Variants in IFIH1 observed in about 807,000 individuals in gnomAD.
The protein encoded by IFIH1 is interferon-induced helicase C domain-containing protein 1.
A neutral mutation model predicts 107.4 loss-of-function variants in IFIH1; 125 were observed. That is an observed-to-expected ratio of 1.16 (90% CI 1.01 to 1.35). The LOEUF (loss-of-function observed/expected upper bound fraction) is 1.35. IFIH1 is among the 40% of genes most tolerant of loss of function. IFIH1 has a pLI of 0.00. For synonymous variants in IFIH1, 458 were observed against 413.2 expected, an observed-to-expected ratio of 1.11 and a Z score of -1.31; for missense variants, 1,333 against 1,213.7, an observed-to-expected ratio of 1.10 and a Z score of -1.46.
At chr2:162,317,016 GGTGTGTGTGTGTGTGT>G (rs56835671) in intron 1 of IFIH1, among the ~76,000 whole-genome samples, 1 of 144,022 alleles carries the variant, frequency 6.9e-6, no homozygotes. Context: ...AAAGAAAAAG[GGTGTGTGTGTGTGTGT>G]GTGTGTGTGT....
rs1025854546 is a variant in IFIH1 at position 162,277,685 on chromosome 2, C to A, written c.1774G>T (p.Glu592Ter). 3 of 1,601,830 alleles carry A rather than the reference C, an allele frequency of 1.9e-6. No homozygotes were observed. Among genetic ancestry groups the A allele is most frequent in the South Asian group, 1.1e-5 (1 of 88,664 alleles). ...CAAACACGTTCTTTGCGATTTCCTT[C>A]TTTTGCAGCTGTGAAAAAATATATT... Reference protein sequence around the residue: ...AIQMEKKAAKEGNRKERVCAE... With the variant: ...AIQMEKKAAK The change falls in exon 10 of 16, where the codon GAA becomes TAA. Residue 592 changes from glutamate to a stop codon, truncating the protein, a stop_gained. Transcript: ENST00000649979. LOFTEE classifies it high-confidence loss of function.
intron 13 of IFIH1, 107 bp from the exon 14 acceptor site, chr2:162,268,384 C>A: frequency 1.5e-6 from 1 of 666,618 alleles, no homozygotes; most frequent in East Asian, 2.7e-5. Flanking sequence ...AAAATATACC[C>A]TTAGCTTATG....
chr2:162,310,421 C>G (rs966277208), intron 2 of IFIH1: 1 of 388,458 alleles, frequency 2.6e-6, no homozygotes. Flanking sequence ...GAAGAATATG[C>G]AGCAGATTTT....
intron 4 of IFIH1, 42 bp downstream of exon 4, chr2:162,293,522 T>C: frequency 7.7e-7 from 1 of 1,291,108 alleles, no homozygotes; most frequent in Non-Finnish European, 1.1e-6. Context: ...TATGGCGTCT[T>C]ATTTCACACT....
intron 3 of IFIH1, among the ~76,000 whole-genome samples, chr2:162,299,433 G>A (rs1683153252): frequency 2.0e-5 from 3 of 152,268 alleles, no homozygotes; most frequent in Middle Eastern, 3.4e-3. Context: ...GGGTGCCCAG[G>A]TAAATGTTCA....
At position 162,295,970 on chromosome 2, in the gene IFIH1, T is replaced by G. The variant is rs115032410; in HGVS notation, c.770-2302A>C. ...AAGTGAATTTTGACATGCTTTTCAT[T>G]TGCTGTTTTAAATGTAATATTGAGA... On this transcript the variant is annotated intron_variant, in intron 3 of 15. Coordinates refer to ENST00000649979, the MANE Select transcript of IFIH1 (RefSeq NM_022168.4). Among the ~76,000 whole-genome samples the G allele has an allele frequency of 2.2e-3, 342 of 152,192 alleles. 1 individual carries two copies. Among genetic ancestry groups the G allele is most frequent in the African/African-American group, 7.8e-3 (323 of 41,546 alleles).
intron 4 of IFIH1, among the ~76,000 whole-genome samples, chr2:162,289,095 T>A (rs187936629): frequency 3.2e-3 from 484 of 152,022 alleles, no homozygotes; most frequent in African/African-American, 0.011. Flanking sequence ...GTAAAAATAA[T>A]TTTGTTGGTT....
At chr2:162,305,928 C>T (rs781108840) in intron 3 of IFIH1, among the ~76,000 whole-genome samples, 3 of 152,188 alleles carry the variant, frequency 2.0e-5, no homozygotes, top group Non-Finnish European at 2.9e-5. Context: ...ATGTTGGAAG[C>T]TTGAAATAAG....
In IFIH1 at chr2:162,278,212, T is replaced by C. The variant is rs1207928685; in HGVS notation, c.1758A>G (p.Glu586=). Residue 586 remains glutamate, a synonymous_variant, in exon 9 of 16, where the codon GAA becomes GAG. Transcript: ENST00000649979. The stretch of plus-strand genomic sequence containing the variant: ...GGTCCAAACCTAAATTACCTTTTTT[T>C]TCCATTTGAATGGCCCATTGTTCAT... The part of the protein sequence containing the change: ...QPYEQWAIQM[E]KKAAKEGNRK... 1.2e-6 allele frequency: 2 copies of C among 1,603,306 alleles called. No homozygotes were observed. The highest frequency in any genetic ancestry group is 1.1e-5 in the South Asian group (1 of 88,492).
intron 3 of IFIH1, among the ~76,000 whole-genome samples, chr2:162,305,609 AT>A (rs1233101386): frequency 6.6e-6 from 1 of 152,142 alleles, no homozygotes; most frequent in African/African-American, 2.4e-5. Flanking sequence ...AATTAAAAAA[AT>A]AAAAATAATA....
chr2:162,273,949 A>G lies in IFIH1; in HGVS notation c.2305-5T>C. The G allele has an allele frequency of 6.4e-7, 1 of 1,570,324 alleles. No individual in the cohort carries two copies. ...AATGACTTCTTTTTGTTCATTCTGT[A>G]GAAACATTTTAATAAATTAAATTTT... On this transcript the variant is annotated splice_region_variant and splice_polypyrimidine_tract_variant and intron_variant, in intron 11 of 15. Transcript: ENST00000649979.
chr2:162,273,798 G>C lies in IFIH1; in HGVS notation c.2451C>G (p.Val817=). ...YGLVTNEIAM[V]QARGRARADE... ...AAGTAGAGGTATTTGAATGTACCTG[G>C]ACCATGGCTATTTCATTGGTGACGA... The change falls in exon 12 of 16, where the codon GTC becomes GTG. Residue 817 remains valine (V), a synonymous_variant. Coordinates refer to ENST00000649979, the MANE Select transcript of IFIH1 (RefSeq NM_022168.4). 6.3e-7 allele frequency: 1 copy of C among 1,584,932 alleles called. No individual in the cohort carries two copies. The highest frequency in any genetic ancestry group is 8.6e-7 in the Non-Finnish European group (1 of 1,166,784).
At chr2:162,271,198 G>T (rs946622999) in intron 13 of IFIH1, among the ~76,000 whole-genome samples, 1 of 152,102 alleles carries the variant, frequency 6.6e-6, no homozygotes, top group African/African-American at 2.4e-5. Context: ...TTATCATTCA[G>T]ATGCAGCTTC....
chr2:162,273,821 C>T lies in IFIH1; in HGVS notation c.2428G>A (p.Val810Ile), dbSNP rs763479773. 2.1e-5 allele frequency: 34 copies of T among 1,600,178 alleles called. No homozygotes were observed. The Middle Eastern group carries it at 6.6e-4, about 31-fold the overall frequency. Residue 810 changes from valine (V) to isoleucine (I), a missense_variant, in exon 12 of 16, where the codon GTC becomes ATC. Coordinates refer to ENST00000649979, the MANE Select transcript of IFIH1 (RefSeq NM_022168.4). ...TGGACCATGGCTATTTCATTGGTGA[C>T]GAGACCATAACGGATAACAATGTTA... ...ECNIVIRYGL[V>I]TNEIAMVQAR... is the part of the protein sequence containing the mutation.
intron 3 of IFIH1, among the ~76,000 whole-genome samples, chr2:162,301,020 A>G (rs1427070335): frequency 6.6e-6 from 1 of 152,150 alleles, no homozygotes; most frequent in East Asian, 1.9e-4. Flanking sequence ...GACCAGGGAG[A>G]AGAAGGCTGT....
Position 162,306,852 on chromosome 2 carries a change from A to G in IFIH1, c.626T>C (p.Ile209Thr). The G allele has an allele frequency of 1.2e-6, 2 of 1,613,308 alleles. No homozygotes were observed. Among genetic ancestry groups the G allele is most frequent in the Non-Finnish European group, 8.5e-7 (1 of 1,179,414 alleles). Residue 209 changes from isoleucine (I) to threonine (T), a missense_variant, in exon 3 of 16, where the codon ATT becomes ACT. Physicochemically the swap from Ile to Thr is moderately conservative, Grantham distance 89. Transcript: ENST00000649979. ...GSDCSESNAE[I>T]ENLSQVDGPQ... ...ACCATCAACTTGTGATAAATTCTCAATCTCTGTGAATAACAGTATTAGAAT... is the reference window on the plus strand; with the variant it reads ...ACCATCAACTTGTGATAAATTCTCAGTCTCTGTGAATAACAGTATTAGAAT...
intron 3 of IFIH1, among the ~76,000 whole-genome samples, chr2:162,298,792 A>G (rs28684734): frequency 0.096 from 13,459 of 140,828 alleles, 1,884 homozygotes; most frequent in African/African-American, 0.35. Flanking sequence ...GCGCGCGCGC[A>G]CACACACACA....
intron 1 of IFIH1, among the ~76,000 whole-genome samples, chr2:162,313,875 G>A (rs1434555638): frequency 6.6e-6 from 1 of 151,864 alleles, no homozygotes; most frequent in Non-Finnish European, 1.5e-5. Flanking sequence ...ACAATACAAT[G>A]TTCCTGGGGA....
Position 162,276,698 on chromosome 2 carries a change from G to A in IFIH1, c.2293C>T (p.Pro765Ser), listed in dbSNP as rs1474738840. 6.2e-7 allele frequency: 1 copy of A among 1,613,084 alleles called. No individual in the cohort carries two copies. Among genetic ancestry groups the A allele is most frequent in the East Asian group, 2.2e-5 (1 of 44,864 alleles). ...IGAGHSSEFK[P>S]MTQNEQKEVI... ...AAGGATATTTATACCTGTGTCATGG[G>A]TTTGAACTCACTGCTGTGTCCAGCT... The change falls in exon 11 of 16, where the codon CCC becomes TCC. Residue 765 changes from proline to serine, a missense_variant. By Grantham distance (74) the Pro-to-Ser change is moderately conservative. Transcript: ENST00000649979.
Sources: gnomAD v4.1 joint callset for allele counts (sites outside exome capture counted in the v4.1 genomes callset) on GRCh38, gnomAD v4.1.1 for gene constraint, MANE v1.5 for transcripts, NCBI Gene and HGNC (gene_info 2026-07-23, HGNC 2026-07-21) for gene names.